TMX3: variants seen among roughly 807,000 people sequenced by gnomAD.
TMX3 encodes protein disulfide-isomerase TMX3.
In TMX3, 40 loss-of-function variants were observed where a neutral mutation model predicts 64.4. The observed-to-expected ratio is 0.62, with a 90% CI of 0.48 to 0.81. The LOEUF is 0.81. Among genes scored for constraint, TMX3 ranks in the 30% least tolerant of loss-of-function variants. The pLI, the probability that TMX3 is intolerant of heterozygous loss-of-function variation, is 0.00. For missense variants in TMX3, 497 were observed against 534.5 expected, an observed-to-expected ratio of 0.93 and a Z score of 0.69; for synonymous variants, 189 against 175.7, an observed-to-expected ratio of 1.08 and a Z score of -0.60.
chr18:68,704,651 TA>T (rs2030484827), intron 4 of TMX3, among the ~76,000 whole-genome samples: 1 of 152,224 alleles, frequency 6.6e-6, no homozygotes. Context: ...AGAAATAGTT[TA>T]TATAGAAATC....
intron 15 of TMX3, among the ~76,000 whole-genome samples, chr18:68,678,224 C>T (rs1476797624): frequency 1.3e-5 from 2 of 151,958 alleles, no homozygotes; most frequent in Non-Finnish European, 2.9e-5. Context: ...AACAAAGAGT[C>T]CCAGAATTTA....
chr18:68,691,420 A>G, intron 8 of TMX3, 59 bp from the exon 9 acceptor site: 4 of 1,154,930 alleles, frequency 3.5e-6, no homozygotes, highest in South Asian at 3.6e-5. Context: ...ATTAGTAACT[A>G]TAATTTCAAA....
intron 9 of TMX3, 140 bp downstream of exon 9, chr18:68,691,155 C>A: frequency 4.1e-6 from 2 of 483,080 alleles, no homozygotes; most frequent in African/African-American, 2.0e-5. Context: ...AAAAAAAACC[C>A]AAAACATCAG....
chr18:68,681,921 A>T (rs892946297), intron 13 of TMX3, among the ~76,000 whole-genome samples: 1 of 152,140 alleles, frequency 6.6e-6, no homozygotes, highest in Admixed American at 6.6e-5. Context: ...ACTTGCTATT[A>T]TGTTCTGCCT....
chr18:68,701,904 G>A lies in TMX3; in HGVS notation c.266-114C>T, dbSNP rs565670901. On this transcript the variant is annotated intron_variant, in intron 4 of 15. Transcript: ENST00000299608. Reference sequence around the variant, plus strand: ...ATATTTATACAACCCATATAGATACGTTGTTTTTAAGTCTTAAGATTATAA... The same window carrying A: ...ATATTTATACAACCCATATAGATACATTGTTTTTAAGTCTTAAGATTATAA... The A allele has an allele frequency of 1.5e-4, 114 of 752,258 alleles. 1 individual carries two copies. In the Middle Eastern group the frequency reaches 2.4e-3, roughly 16 times the overall value. 46.6% of individuals were successfully genotyped at this position (752,258 alleles called of 1,614,324 possible).
At chr18:68,701,628 G>A (rs1485233826) in intron 5 of TMX3, 117 bp downstream of exon 5, 12 of 1,544,988 alleles carry the variant, frequency 7.8e-6, no homozygotes, top group Non-Finnish European at 1.1e-5. Context: ...CACCTATGAA[G>A]AATGGCCAAA....
At chr18:68,687,334 T>G in intron 10 of TMX3, 2 of 985,432 alleles carry the variant, frequency 2.0e-6, no homozygotes, top group Non-Finnish European at 2.4e-6. Flanking sequence ...AAATAGGTTG[T>G]GCTAAGTTTT....
rs1015583756 is a variant in TMX3, at chr18:68,715,071, G to T, written c.-90C>A. 9.0e-5 allele frequency: 139 copies of T among 1,543,562 alleles called. No homozygotes were observed. Among genetic ancestry groups the T allele is most frequent in the Non-Finnish European group, 1.2e-5 (14 of 1,143,162 alleles). On this transcript the variant is annotated 5_prime_UTR_variant, in exon 1 of 16. Transcript: ENST00000299608. Reference sequence around the variant, plus strand: ...GCCTGCCCGCCCGGAAAGGGAAACGGAGCCGACCCGGAGCGGAAGAGAAGC... The same window carrying T: ...GCCTGCCCGCCCGGAAAGGGAAACGTAGCCGACCCGGAGCGGAAGAGAAGC...
At chr18:68,710,983 ATGACTT>A in intron 3 of TMX3, among the ~76,000 whole-genome samples, 2 of 152,324 alleles carry the variant, frequency 1.3e-5, no homozygotes, top group Middle Eastern at 6.8e-3. Context: ...AGATGAAAAT[ATGACTT>A]TGACTAAGTG....
rs1912736875 is a variant in TMX3, at chr18:68,674,066, AC to A, written c.*2866del. ...AAAAAGGTCCCAAAGCAAAACACAC[AC>A]AAAAAGTCACTAACAATATCCACTA... On this transcript the variant is annotated 3_prime_UTR_variant, in exon 16 of 16. Transcript: ENST00000299608. 6.6e-6 allele frequency: 1 copy of A among 152,152 alleles called. No individual in the cohort carries two copies. Among genetic ancestry groups the A allele is most frequent in the Non-Finnish European group, 1.5e-5 (1 of 68,018 alleles). 9.4% of individuals were successfully genotyped at this position (152,152 alleles called of 1,614,324 possible).
At chr18:68,691,906 C>T (rs1218381032) in intron 8 of TMX3, among the ~76,000 whole-genome samples, 1 of 152,064 alleles carries the variant, frequency 6.6e-6, no homozygotes, top group Non-Finnish European at 1.5e-5. Context: ...AAAAATTATA[C>T]TAGAAAACAA....
intron 1 of TMX3, among the ~76,000 whole-genome samples, chr18:68,714,685 A>C (rs2031734813): frequency 6.6e-6 from 1 of 152,254 alleles, no homozygotes; most frequent in African/African-American, 2.4e-5. Flanking sequence ...AGAAAAACAC[A>C]AACACAAGGC....
intron 9 of TMX3, among the ~76,000 whole-genome samples, chr18:68,689,525 T>C (rs1914309014): frequency 6.6e-6 from 1 of 152,032 alleles, no homozygotes; most frequent in Admixed American, 6.6e-5. Flanking sequence ...AAAAAATCTC[T>C]TTAATCCTGT....
chr18:68,695,265 A>G (rs1914947133), intron 8 of TMX3, among the ~76,000 whole-genome samples: 1 of 152,202 alleles, frequency 6.6e-6, no homozygotes, highest in South Asian at 2.1e-4. Flanking sequence ...CTTTTAAAAC[A>G]CTTCGTCTTG....
At chr18:68,680,462 G>T (rs1913309640) in intron 14 of TMX3, among the ~76,000 whole-genome samples, 1 of 152,068 alleles carries the variant, frequency 6.6e-6, no homozygotes, top group Admixed American at 6.6e-5. Context: ...TTATTTCTGA[G>T]AAATATTTTA....
intron 6 of TMX3, 30 bp from the exon 7 acceptor site, chr18:68,698,061 T>A: frequency 6.8e-7 from 1 of 1,471,644 alleles, no homozygotes; most frequent in Non-Finnish European, 9.4e-7. Flanking sequence ...AAAACAAACT[T>A]GAATTATAAA....
intron 15 of TMX3, 91 bp downstream of exon 15, chr18:68,679,372 C>T (rs376343673): frequency 5.0e-6 from 5 of 1,004,114 alleles, no homozygotes; most frequent in African/African-American, 3.3e-5. Flanking sequence ...ATATTTTGAC[C>T]TAATCTTTTC....
intron 15 of TMX3, among the ~76,000 whole-genome samples, chr18:68,678,089 G>T (rs994504978): frequency 6.6e-6 from 1 of 152,008 alleles, no homozygotes; most frequent in Non-Finnish European, 1.5e-5. Flanking sequence ...TTGGAGACTG[G>T]GCAAGTGGAA....
intron 8 of TMX3, 141 bp from the exon 9 acceptor site, chr18:68,691,502 TAC>T (rs1490160662): frequency 2.2e-5 from 12 of 537,244 alleles, no homozygotes; most frequent in Non-Finnish European, 4.0e-5. Context: ...AGTTAAAGAG[TAC>T]AGTCAATCCC....
Sources: allele counts gnomAD v4.1 joint callset (sites outside exome capture counted in the v4.1 genomes callset), GRCh38; gene constraint gnomAD v4.1.1; transcripts MANE v1.5; gene names NCBI Gene and HGNC (gene_info 2026-07-23, HGNC 2026-07-21).